The following MEF2A variants were observed in gnomAD, a reference collection of about 807,000 sequenced individuals.
MEF2A encodes myocyte-specific enhancer factor 2A.
In MEF2A, 28 loss-of-function variants were observed where a neutral mutation model predicts 55.8. That is an observed-to-expected ratio of 0.50 (90% CI 0.37 to 0.69). The LOEUF is 0.69. MEF2A is among the 30% of genes least tolerant of loss of function. The pLI is 0.00. For synonymous variants in MEF2A, 239 were observed against 227.1 expected (o/e 1.05, Z -0.47); for missense variants, 528 against 626.2 (o/e 0.84, Z 1.67).
chr15:99,601,448 T>C (rs145517385), intron 2 of MEF2A, among the ~76,000 whole-genome samples: 2 of 151,678 alleles, frequency 1.3e-5, no homozygotes, highest in African/African-American at 4.8e-5. Flanking sequence ...AGAACTAACA[T>C]CCTTGCCTTG....
intron 8 of MEF2A, among the ~76,000 whole-genome samples, chr15:99,700,952 C>T (rs12595285): frequency 0.24 from 36,881 of 152,034 alleles, 4,706 homozygotes; most frequent in African/African-American, 0.3. Flanking sequence ...TAGAAAATAA[C>T]TAATTAATAA....
At chr15:99,584,234 A>G (rs970030747) in intron 1 of MEF2A, among the ~76,000 whole-genome samples, 1 of 152,190 alleles carries the variant, frequency 6.6e-6, no homozygotes, top group Admixed American at 6.5e-5. Flanking sequence ...TGACTGGGGA[A>G]TGTCAGCCAA....
intron 1 of MEF2A, among the ~76,000 whole-genome samples, chr15:99,581,432 T>A (rs1299110612): frequency 6.6e-6 from 1 of 152,012 alleles, no homozygotes; most frequent in Admixed American, 6.5e-5. Flanking sequence ...TTTTTCATAG[T>A]TTCCACAAGT....
intron 1 of MEF2A, among the ~76,000 whole-genome samples, chr15:99,581,434 T>G (rs1965890543): frequency 2.0e-5 from 3 of 151,884 alleles, no homozygotes; most frequent in Admixed American, 6.6e-5. Flanking sequence ...TTTCATAGTT[T>G]CCACAAGTCT....
Position 99,611,103 on chromosome 15 carries a change from G to A in MEF2A, c.-143+12592G>A, listed in dbSNP as rs149647008. 6.6e-3 allele frequency among the ~76,000 whole-genome samples: 1,006 copies of A among 152,254 alleles called. 4 individuals are homozygous for A. The highest frequency in any genetic ancestry group is 0.031 in the Middle Eastern group (9 of 294). ...CTAAAAATACAGAAATTAGCCAGGC[G>A]TGATGGCAGGGACTTGTAATCCCAG... On this transcript the variant is annotated intron_variant, in intron 2 of 11. Coordinates refer to ENST00000557942, the MANE Select transcript of MEF2A (RefSeq NM_001319206.4).
In MEF2A at chr15:99,671,606, T is replaced by C. The variant is rs540514761; in HGVS notation, c.390+152T>C. ...TAACTCCACATACAGAAGAAAAATA[T>C]AAAAAAATTAATGAGGAATTTGATA... On this transcript the variant is annotated intron_variant, in intron 5 of 11. Transcript: ENST00000557942. The C allele has an allele frequency of 1.8e-5, 29 of 1,595,998 alleles. No individual in the cohort carries two copies. In the South Asian group the frequency reaches 2.9e-4, roughly 16 times the overall value.
rs562049143 is a variant in MEF2A at position 99,712,150 on chromosome 15, G to A, written c.1137-240G>A. Among the ~76,000 whole-genome samples the A allele has an allele frequency of 4.9e-4, 74 of 152,184 alleles. No homozygotes were observed. The highest frequency in any genetic ancestry group is 1.6e-3 in the Admixed American group (24 of 15,282). On this transcript the variant is annotated intron_variant, in intron 11 of 11. Transcript: ENST00000557942. The surrounding 1 kb of genome is among the most constrained non-coding windows in gnomAD (Gnocchi z 4.1). ...ATACTTTAGCTGCAAAAGTACCAAC[G>A]TTGTGGGTAACAGAACCAAGTAACG...
chr15:99,637,093 A>G (rs1256293467), intron 3 of MEF2A, among the ~76,000 whole-genome samples: 2 of 149,996 alleles, frequency 1.3e-5, no homozygotes, highest in Admixed American at 6.6e-5. Flanking sequence ...CTATAATTTG[A>G]TATCTGGTGG....
intron 2 of MEF2A, among the ~76,000 whole-genome samples, chr15:99,624,059 A>G (rs777353876): frequency 3.3e-5 from 5 of 149,430 alleles, no homozygotes; most frequent in Non-Finnish European, 7.4e-5. Context: ...ACCCACCTCG[A>G]CCTCCCAAAG....
At chr15:99,704,411 CTT>C (rs2057779645) in intron 9 of MEF2A, among the ~76,000 whole-genome samples, 1 of 152,156 alleles carries the variant, frequency 6.6e-6, no homozygotes, top group Non-Finnish European at 1.5e-5. Context: ...TTATGAATAT[CTT>C]TTGGAGAAAC....
Position 99,710,626 on chromosome 15 carries a change from C to T in MEF2A, c.1010-8C>T, listed in dbSNP as rs1344139020. On this transcript the variant is annotated splice_region_variant and splice_polypyrimidine_tract_variant and intron_variant, in intron 10 of 11. Transcript: ENST00000557942. ...TCATATGCAGAGCCCTCTTGTCTTC[C>T]TTTGTAGATTATTCACTGACCAGCG... is the stretch of plus-strand genomic sequence containing the variant. The T allele has an allele frequency of 5.0e-6, 8 of 1,606,768 alleles. No homozygotes were observed. The highest frequency in any genetic ancestry group is 6.8e-6 in the Non-Finnish European group (8 of 1,173,968).
At chr15:99,608,620 C>T (rs528647861) in intron 2 of MEF2A, among the ~76,000 whole-genome samples, 4 of 152,188 alleles carry the variant, frequency 2.6e-5, no homozygotes, top group African/African-American at 7.2e-5. Flanking sequence ...ATACTTTGGG[C>T]GAGCGTGGTG....
chr15:99,690,616 A>G (rs894441859), intron 8 of MEF2A, 188 bp downstream of exon 8: 3 of 726,338 alleles, frequency 4.1e-6, no homozygotes, highest in African/African-American at 3.5e-5. Flanking sequence ...GATTATGGAA[A>G]TTTGCTTAAC....
intron 1 of MEF2A, among the ~76,000 whole-genome samples, chr15:99,566,860 G>A (rs906015718): frequency 6.6e-6 from 1 of 152,164 alleles, no homozygotes; most frequent in Non-Finnish European, 1.5e-5. Context: ...GAGACGTCGC[G>A]GGGACAGAGG....
At chr15:99,707,874 T>C (rs183175811) in intron 10 of MEF2A, among the ~76,000 whole-genome samples, 2 of 152,290 alleles carry the variant, frequency 1.3e-5, no homozygotes, top group Admixed American at 1.3e-4. Context: ...GTTGATAACA[T>C]TTGATTGCCA....
Position 99,712,851 on chromosome 15 carries a change from A to G in MEF2A, c.*80A>G, listed in dbSNP as rs1300933434. On this transcript the variant is annotated 3_prime_UTR_variant, in exon 12 of 12. Coordinates refer to ENST00000557942, the MANE Select transcript of MEF2A (RefSeq NM_001319206.4). This position sits in a 1 kb window ranked among gnomAD's most constrained non-coding sequence, Gnocchi z 4.1. ...ATCTAAATCGGTAAATAAGGACATGAGTTAAATATATTTATATGTACATAC... is the reference window on the plus strand; with the variant it reads ...ATCTAAATCGGTAAATAAGGACATGGGTTAAATATATTTATATGTACATAC... 1.7e-5 allele frequency: 24 copies of G among 1,390,702 alleles called. No individual in the cohort carries two copies. The highest frequency in any genetic ancestry group is 2.2e-5 in the Non-Finnish European group (23 of 1,026,776). The allele number at this position is 1,390,702 out of a possible 1,614,324, so 86.1% of individuals were successfully genotyped here.
intron 1 of MEF2A, among the ~76,000 whole-genome samples, chr15:99,571,645 T>C (rs996993456): frequency 1.3e-5 from 2 of 152,204 alleles, no homozygotes; most frequent in Admixed American, 1.3e-4. Context: ...CTCTTGAGTT[T>C]GATATTCACT....
At chr15:99,678,740 A>G (rs2052607577) in intron 7 of MEF2A, 2 of 910,498 alleles carry the variant, frequency 2.2e-6, no homozygotes, top group African/African-American at 3.6e-5. Flanking sequence ...TAAGAAACCA[A>G]AGAAAGTCTA....
Position 99,641,428 on chromosome 15 carries a change from A to G in MEF2A, c.55-4133A>G, listed in dbSNP as rs1466173787. On this transcript the variant is annotated intron_variant, in intron 3 of 11. Transcript: ENST00000557942. The stretch of plus-strand genomic sequence containing the variant: ...AGCTGAACCCAAACTGCTGTTTTAA[A>G]AATTTGTCTTCTCGGCCGGGCGCGT... Among the ~76,000 whole-genome samples the G allele has an allele frequency of 2.6e-5, 4 of 152,206 alleles. No homozygotes were observed. In the East Asian group the frequency reaches 5.8e-4, roughly 22 times the overall value.
Sources: allele counts gnomAD v4.1 joint callset (sites outside exome capture counted in the v4.1 genomes callset), GRCh38; gene constraint gnomAD v4.1.1; non-coding constraint Gnocchi (gnomAD v3.1); transcripts MANE v1.5; gene names NCBI Gene and HGNC (gene_info 2026-07-23, HGNC 2026-07-21).